Variants in TIAM1 observed in about 807,000 individuals in gnomAD.
TIAM1 encodes rho guanine nucleotide exchange factor TIAM1.
TIAM1 carries 65 observed loss-of-function variants against 163.5 expected under a neutral mutation model. The observed-to-expected ratio is 0.40, with a 90% CI of 0.33 to 0.49. TIAM1 has a LOEUF of 0.49. Among genes scored for constraint, TIAM1 ranks in the 20% least tolerant of loss-of-function variants. TIAM1 has a pLI of 0.77. For synonymous variants in TIAM1, 833 were observed against 810.1 expected (o/e 1.03, Z -0.48); for missense variants, 1,789 against 2,044.7 (o/e 0.87, Z 2.41).
chr21:31,345,244 G>A (rs974405248), upstream of TIAM1, among the ~76,000 whole-genome samples: 2 of 152,086 alleles, frequency 1.3e-5, no homozygotes, highest in African/African-American at 4.8e-5. Flanking sequence ...GTTAAAAGCT[G>A]TGCCAAAAAC....
At chr21:31,172,577 C>T (rs1038404492) in intron 15 of TIAM1, among the ~76,000 whole-genome samples, 1 of 152,100 alleles carries the variant, frequency 6.6e-6, no homozygotes, top group Non-Finnish European at 1.5e-5. Context: ...GTACTGAGCA[C>T]ACTGCCAGGC....
At chr21:31,142,222 GCCCTGTCAT>G (rs2082878720) in intron 20 of TIAM1, among the ~76,000 whole-genome samples, 1 of 150,326 alleles carries the variant, frequency 6.7e-6, no homozygotes, top group Non-Finnish European at 1.5e-5. Context: ...TGAGCTGTTG[GCCCTGTCAT>G]CCCAAAATAA....
chr21:31,151,813 A>G (rs2146314941), intron 19 of TIAM1, among the ~76,000 whole-genome samples: 1 of 152,316 alleles, frequency 6.6e-6, no homozygotes, highest in East Asian at 1.9e-4. Flanking sequence ...TTGGAGGTGC[A>G]ACACAGGAAA....
At chr21:31,296,540 A>G (rs202231062) in intron 2 of TIAM1, among the ~76,000 whole-genome samples, 55 of 152,330 alleles carry the variant, frequency 3.6e-4, no homozygotes, top group African/African-American at 1.3e-3. Context: ...AGAGAAAAAG[A>G]TAATACTTAG....
At chr21:31,439,240 G>A (rs1283967425) in intron 2 of TIAM1, among the ~76,000 whole-genome samples, 2 of 152,134 alleles carry the variant, frequency 1.3e-5, no homozygotes, top group Non-Finnish European at 2.9e-5. Flanking sequence ...ATCTTTCCTT[G>A]AACCCACAGA....
chr21:31,160,858 A>T (rs1247977630), intron 16 of TIAM1: 1 of 210,118 alleles, frequency 4.8e-6, no homozygotes. Context: ...GGGAGAGCTG[A>T]AACTGGCAAG....
chr21:31,250,010 G>A (rs935937714), intron 5 of TIAM1, among the ~76,000 whole-genome samples: 5 of 152,006 alleles, frequency 3.3e-5, no homozygotes, highest in Non-Finnish European at 7.4e-5. Context: ...GCCAGGCATG[G>A]TGGCACATGC....
chr21:31,210,554 GAA>G (rs1249037659), intron 10 of TIAM1, among the ~76,000 whole-genome samples: 1 of 106,734 alleles, frequency 9.4e-6, no homozygotes, highest in African/African-American at 4.8e-5. Flanking sequence ...AAGAAAGAAA[GAA>G]AGAAAGAAAG....
At chr21:31,368,750 G>C (rs770912195) in intron 2 of TIAM1, among the ~76,000 whole-genome samples, 94 of 152,182 alleles carry the variant, frequency 6.2e-4, no homozygotes, top group Non-Finnish European at 1.1e-3. Flanking sequence ...GCTACATAGA[G>C]TAGCAGCAGG....
At chr21:31,407,457 A>G (rs1467900110) in intron 2 of TIAM1, among the ~76,000 whole-genome samples, 4 of 152,052 alleles carry the variant, frequency 2.6e-5, no homozygotes, top group Non-Finnish European at 5.9e-5. Flanking sequence ...AAGACCCAGA[A>G]GTCTCAACCT....
intron 2 of TIAM1, among the ~76,000 whole-genome samples, chr21:31,315,155 G>T (rs561298377): frequency 8.9e-4 from 135 of 152,262 alleles, no homozygotes; most frequent in Middle Eastern, 3.4e-3. Flanking sequence ...TGGATCACCT[G>T]AAGTCAAGAG....
At chr21:31,147,787 AATAT>A (rs373598678) in intron 19 of TIAM1, among the ~76,000 whole-genome samples, 4 of 139,854 alleles carry the variant, frequency 2.9e-5, no homozygotes, top group African/African-American at 7.9e-5. Context: ...ATTATATTAA[AATAT>A]ATATATATAT....
At chr21:31,516,164 C>A (rs1456614783) in intron 1 of TIAM1, among the ~76,000 whole-genome samples, 26 of 135,302 alleles carry the variant, frequency 1.9e-4, no homozygotes, top group East Asian at 6.9e-4. Context: ...GTAATCCCAG[C>A]ACTCTGAGAG....
chr21:31,529,075 T>TAC (rs1569414694), intron 1 of TIAM1, among the ~76,000 whole-genome samples: 1 of 151,446 alleles, frequency 6.6e-6, no homozygotes, highest in Admixed American at 6.6e-5. Flanking sequence ...GCGCCCACCA[T>TAC]GCCCAGCTAA....
intron 6 of TIAM1, among the ~76,000 whole-genome samples, chr21:31,243,209 A>T (rs11088164): frequency 0.34 from 40,057 of 116,478 alleles, 7,301 homozygotes; most frequent in African/African-American, 0.42. Context: ...AAAAAAAAAA[A>T]ATATATATAT....
intron 2 of TIAM1, among the ~76,000 whole-genome samples, chr21:31,371,255 G>A (rs1411984522): frequency 6.6e-6 from 1 of 152,214 alleles, no homozygotes; most frequent in Non-Finnish European, 1.5e-5. Flanking sequence ...GGCCGGTTCT[G>A]CCGACTCTCC....
chr21:31,477,474 ATT>A (rs58353334), intron 1 of TIAM1, among the ~76,000 whole-genome samples: 24,372 of 131,984 alleles, frequency 0.18, 2,080 homozygotes, highest in African/African-American at 0.25. Context: ...AACTAAATGC[ATT>A]TTTTTTTTTT....
intron 9 of TIAM1, among the ~76,000 whole-genome samples, chr21:31,213,893 A>T (rs914465617): frequency 1.3e-5 from 2 of 150,752 alleles, no homozygotes; most frequent in African/African-American, 4.9e-5. Flanking sequence ...AAAGAATTAC[A>T]TTAAATTAGC....
intron 20 of TIAM1, among the ~76,000 whole-genome samples, chr21:31,145,928 G>A (rs1401513323): frequency 6.6e-6 from 1 of 152,176 alleles, no homozygotes; most frequent in Non-Finnish European, 1.5e-5. Flanking sequence ...GGAACCTGCT[G>A]TACATCGTGT....
Sources: allele counts gnomAD v4.1 joint callset (sites outside exome capture counted in the v4.1 genomes callset), GRCh38; gene constraint gnomAD v4.1.1; transcripts MANE v1.5; gene names NCBI Gene and HGNC (gene_info 2026-07-23, HGNC 2026-07-21).